ATF7IP: variants seen among roughly 807,000 people sequenced by gnomAD.
ATF7IP encodes the protein activating transcription factor 7 interacting protein, also known as activating transcription factor 7-interacting protein 1.
ATF7IP carries 23 observed loss-of-function variants against 106.4 expected under a neutral mutation model. The observed-to-expected ratio is 0.22, with a 90% CI of 0.16 to 0.31. The LOEUF (loss-of-function observed/expected upper bound fraction) is 0.31. Among genes scored for constraint, ATF7IP ranks in the 10% least tolerant of loss-of-function variants. The pLI is 1.00. For missense variants in ATF7IP, 1,334 were observed against 1,524.3 expected, an observed-to-expected ratio of 0.88 and a Z score of 2.08; for synonymous variants, 542 against 539.0, an observed-to-expected ratio of 1.01 and a Z score of -0.08.
chr12:14,447,141 A>T (rs1452323434), intron 6 of ATF7IP, 88 bp downstream of exon 6: 2 of 1,109,560 alleles, frequency 1.8e-6, no homozygotes, highest in Non-Finnish European at 2.6e-6. Context: ...CTGTATTACA[A>T]ATCTGAAATT....
chr12:14,388,856 TCTC>T (rs1939393427), intron 1 of ATF7IP, among the ~76,000 whole-genome samples: 1 of 152,164 alleles, frequency 6.6e-6, no homozygotes, highest in Non-Finnish European at 1.5e-5. Context: ...GCCAAGCTGG[TCTC>T]GAACTCCTGG....
At chr12:14,489,329 G>A (rs1371253752) in intron 13 of ATF7IP, among the ~76,000 whole-genome samples, 1 of 152,172 alleles carries the variant, frequency 6.6e-6, no homozygotes, top group Non-Finnish European at 1.5e-5. Context: ...TTAGCCTGTT[G>A]ACTTAAAGGT....
At chr12:14,462,603 T>A (rs1181111387) in intron 9 of ATF7IP, among the ~76,000 whole-genome samples, 6 of 152,078 alleles carry the variant, frequency 3.9e-5, no homozygotes, top group African/African-American at 1.2e-4. Flanking sequence ...CTCCAAACAC[T>A]TCTAAAAGTG....
chr12:14,494,060 T>C (rs1238853834), intron 13 of ATF7IP, among the ~76,000 whole-genome samples: 2 of 151,796 alleles, frequency 1.3e-5, no homozygotes, highest in Non-Finnish European at 1.5e-5. Context: ...CAAATGCATT[T>C]ATTTTGCATA....
chr12:14,425,554 AT>A, intron 2 of ATF7IP, 81 bp downstream of exon 2: 1 of 1,366,626 alleles, frequency 7.3e-7, no homozygotes. Flanking sequence ...AATGTTTTAA[AT>A]TTATTTTAGC....
chr12:14,475,800 A>C, intron 10 of ATF7IP, 90 bp from the exon 11 acceptor site: 1 of 933,780 alleles, frequency 1.1e-6, no homozygotes. Flanking sequence ...GTTACTCATT[A>C]GTCTCATTTT....
intron 10 of ATF7IP, among the ~76,000 whole-genome samples, chr12:14,467,672 GTT>G: frequency 6.8e-6 from 1 of 146,682 alleles, no homozygotes; most frequent in African/African-American, 2.5e-5. Context: ...CCCTCAGTGA[GTT>G]TTTTTTTTTT....
chr12:14,386,556 A>G (rs1171202702), intron 1 of ATF7IP, among the ~76,000 whole-genome samples: 1 of 152,144 alleles, frequency 6.6e-6, no homozygotes, highest in African/African-American at 2.4e-5. Flanking sequence ...CTTAGGGAGG[A>G]TTCCAATATA....
rs1393466952 is a variant in ATF7IP at position 14,465,560 on chromosome 12, ATTC to A, written c.2798-960_2798-958del. The stretch of plus-strand genomic sequence containing the variant: ...TTAAATAAATAGATAATATATTAAT[ATTC>A]TTCTTACAAAAAGAAGGTAATTCAG... On this transcript the variant is annotated intron_variant, in intron 9 of 14. Coordinates refer to ENST00000261168, the MANE Select transcript of ATF7IP (RefSeq NM_018179.5). Among the ~76,000 whole-genome samples the A allele has an allele frequency of 5.9e-4, 89 of 151,896 alleles. 1 individual carries two copies. Among genetic ancestry groups the A allele is most frequent in the Admixed American group, 5.7e-3 (87 of 15,272 alleles).
intron 13 of ATF7IP, among the ~76,000 whole-genome samples, chr12:14,485,249 G>A (rs538704566): frequency 1.3e-5 from 2 of 151,872 alleles, no homozygotes; most frequent in African/African-American, 4.8e-5. Context: ...CGATAAATGG[G>A]CTGGAGTAAC....
At chr12:14,464,108 C>T (rs978570453) in intron 9 of ATF7IP, among the ~76,000 whole-genome samples, 1 of 152,034 alleles carries the variant, frequency 6.6e-6, no homozygotes, top group Non-Finnish European at 1.5e-5. Context: ...AGCTCAGGAG[C>T]TCGCCACCAG....
intron 11 of ATF7IP, among the ~76,000 whole-genome samples, chr12:14,476,683 C>T (rs997601181): frequency 1.3e-5 from 2 of 152,094 alleles, no homozygotes; most frequent in Admixed American, 6.5e-5. Flanking sequence ...TGTTCTTTTT[C>T]TCTCTCTGTT....
chr12:14,481,937 A>G (rs1026074844), intron 13 of ATF7IP: 2 of 154,026 alleles, frequency 1.3e-5, no homozygotes, highest in African/African-American at 4.8e-5. Context: ...TGTTACATGC[A>G]TGTTACATAT....
chr12:14,487,363 C>G (rs1944656887), intron 13 of ATF7IP, among the ~76,000 whole-genome samples: 1 of 151,984 alleles, frequency 6.6e-6, no homozygotes, highest in Non-Finnish European at 1.5e-5. Flanking sequence ...CTCTAGGGGC[C>G]CACCAGTACT....
chr12:14,438,726 A>G (rs994667413), intron 5 of ATF7IP, among the ~76,000 whole-genome samples: 2 of 152,188 alleles, frequency 1.3e-5, no homozygotes, highest in Non-Finnish European at 2.9e-5. Context: ...CTATACTCCA[A>G]CATGACTTCA....
At chr12:14,468,634 C>T (rs1040495208) in intron 10 of ATF7IP, among the ~76,000 whole-genome samples, 4 of 152,104 alleles carry the variant, frequency 2.6e-5, no homozygotes, top group African/African-American at 7.2e-5. Flanking sequence ...ATAAAAAATG[C>T]GTACAAGCAG....
At chr12:14,439,840 AATCCATCCATCCATCCATCCATCC>A (rs34509750) in intron 5 of ATF7IP, among the ~76,000 whole-genome samples, 3,129 of 148,600 alleles carry the variant, frequency 0.021, 35 homozygotes, top group Middle Eastern at 0.031. Flanking sequence ...CTCCAAAATA[AATCCATCCATCCATCCATCCATCC>A]ATCCATCCAT....
In ATF7IP at chr12:14,436,098, C is replaced by T. The variant is rs1942389971; in HGVS notation, c.1646-8C>T. ...CCTGAGTGTGATCATTGTGGTTTTC[C>T]TTCTCAGATGAATTTTCTAGACGAA... On this transcript the variant is annotated splice_region_variant and splice_polypyrimidine_tract_variant and intron_variant, in intron 3 of 14. Coordinates refer to ENST00000261168, the MANE Select transcript of ATF7IP (RefSeq NM_018179.5). The T allele has an allele frequency of 1.2e-6, 2 of 1,611,346 alleles. No individual in the cohort carries two copies. The highest frequency in any genetic ancestry group is 2.7e-5 in the African/African-American group (2 of 74,922).
intron 10 of ATF7IP, among the ~76,000 whole-genome samples, chr12:14,473,288 CTCTGTGTGTGTGTGTG>C (rs1944128287): frequency 7.1e-6 from 1 of 140,350 alleles, no homozygotes; most frequent in Non-Finnish European, 1.5e-5. Flanking sequence ...CTCTCTCTCT[CTCTGTGTGTGTGTGTG>C]TGTGTGTGTG....
Sources: allele counts gnomAD v4.1 joint callset (sites outside exome capture counted in the v4.1 genomes callset), GRCh38; gene constraint gnomAD v4.1.1; transcripts MANE v1.5; gene names NCBI Gene and HGNC (gene_info 2026-07-23, HGNC 2026-07-21).